The following HP1BP3 variants were observed in gnomAD, a reference collection of about 807,000 sequenced individuals.
The protein encoded by HP1BP3 is heterochromatin protein 1 binding protein 3.
In HP1BP3, 12 loss-of-function variants were observed where a neutral mutation model predicts 62.5. The ratio of observed to expected loss-of-function variants is 0.19; its 90% confidence interval spans 0.12 to 0.31. HP1BP3 has a LOEUF of 0.31. HP1BP3 is among the 10% of genes least tolerant of loss of function. The pLI, the probability that HP1BP3 is intolerant of heterozygous loss-of-function variation, is 1.00. For synonymous variants in HP1BP3, 260 were observed against 237.8 expected, an observed-to-expected ratio of 1.09 and a Z score of -0.86; for missense variants, 502 against 651.8, an observed-to-expected ratio of 0.77 and a Z score of 2.50.
Position 20,770,922 on chromosome 1 carries a change from T to C in HP1BP3, c.654+8A>G. The C allele has an allele frequency of 1.3e-6, 2 of 1,590,476 alleles. No homozygotes were observed. The highest frequency in any genetic ancestry group is 1.4e-5 in the African/African-American group (1 of 73,828). On this transcript the variant is annotated splice_region_variant and intron_variant, in intron 6 of 12. Coordinates refer to ENST00000438032, the MANE Select transcript of HP1BP3 (RefSeq NM_001372052.1). The stretch of plus-strand genomic sequence containing the variant: ...GAAATGATCTTACTACTAACAATTG[T>C]GTAATACCTGTTTGATGACTCCTCT...
chr1:20,747,709 T>C, intron 10 of HP1BP3, 54 bp from the exon 11 acceptor site: 1 of 1,081,084 alleles, frequency 9.2e-7, no homozygotes, highest in Non-Finnish European at 1.4e-6. Flanking sequence ...ATTAGATAAT[T>C]CCCTCAACCA....
In HP1BP3 at chr1:20,744,157, G is replaced by A. The variant is rs758178932; in HGVS notation, c.*640C>T. The A allele has an allele frequency of 6.5e-5, 10 of 152,704 alleles. No homozygotes were observed. Among genetic ancestry groups the A allele is most frequent in the Non-Finnish European group, 1.3e-4 (9 of 68,038 alleles). 9.5% of individuals were successfully genotyped at this position (152,704 alleles called of 1,614,324 possible). A position where few individuals can be genotyped will look rare whatever the true frequency, so the allele number is the denominator to read the frequency against. ...AGGGAATGCAATACTTTGGGCCAGT[G>A]AAAAATACCTAGAAATTGATCAATA... On this transcript the variant is annotated 3_prime_UTR_variant, in exon 13 of 13. Transcript: ENST00000438032.
intron 8 of HP1BP3, among the ~76,000 whole-genome samples, chr1:20,760,219 G>A (rs755464715): frequency 1.3e-5 from 2 of 152,058 alleles, no homozygotes; most frequent in Non-Finnish European, 2.9e-5. Flanking sequence ...TGACGGGATT[G>A]GGAAGACACT....
At chr1:20,757,530 C>A (rs965369046) in intron 8 of HP1BP3, among the ~76,000 whole-genome samples, 6 of 152,020 alleles carry the variant, frequency 3.9e-5, no homozygotes, top group African/African-American at 1.4e-4. Context: ...CGCCACCACA[C>A]CCGGCTAATT....
Position 20,745,035 on chromosome 1 carries a change from C to T in HP1BP3, c.1424G>A (p.Arg475Lys). Residue 475 changes from arginine to lysine, a missense_variant, in exon 13 of 13, where the codon AGA becomes AAA. Physicochemically the swap from Arg to Lys is conservative, Grantham distance 26 (BLOSUM62 2). Around this residue, in one of 5 missense-constraint regions of HP1BP3, gnomAD observed 194 missense variants for 207.0 expected, o/e 0.94. Transcript: ENST00000438032. ...GACTTTAGGTGCAGGTTTGGACCCTCTCTGCTTCACAGATGCGGCCTTCCC... is the reference window on the plus strand; with the variant it reads ...GACTTTAGGTGCAGGTTTGGACCCTTTCTGCTTCACAGATGCGGCCTTCCC... ...SPGKAASVKQRGSKPAPKVSA... is the reference protein window; with the variant it reads ...SPGKAASVKQKGSKPAPKVSA... 1 of 1,614,022 alleles carries T rather than the reference C, an allele frequency of 6.2e-7. No individual in the cohort carries two copies. The highest frequency in any genetic ancestry group is 1.1e-5 in the South Asian group (1 of 91,072).
chr1:20,749,177 A>T (rs576114942), intron 10 of HP1BP3, among the ~76,000 whole-genome samples: 2 of 152,318 alleles, frequency 1.3e-5, no homozygotes, highest in South Asian at 4.1e-4. Flanking sequence ...AATATCAGAA[A>T]AATCTTTACA....
chr1:20,781,120 T>C (rs944626806), intron 1 of HP1BP3, among the ~76,000 whole-genome samples: 2 of 152,166 alleles, frequency 1.3e-5, no homozygotes, highest in South Asian at 2.1e-4. Context: ...ATATTTTTAA[T>C]GTAAGGAAAA....
chr1:20,784,042 T>C (rs1285715190), intron 1 of HP1BP3, among the ~76,000 whole-genome samples: 1 of 152,092 alleles, frequency 6.6e-6, no homozygotes, highest in Non-Finnish European at 1.5e-5. Context: ...GTATCACAGC[T>C]CACTGCAGCC....
At position 20,744,537 on chromosome 1, in the gene HP1BP3, A is replaced by C; in HGVS notation, c.*260T>G. On this transcript the variant is annotated 3_prime_UTR_variant, in exon 13 of 13. Coordinates refer to ENST00000438032, the MANE Select transcript of HP1BP3 (RefSeq NM_001372052.1). ...CAGGGGGTTGGGGGAGGCAGAGAAA[A>C]AGGACAAGTATACATTACATAGTTT... 3.2e-6 allele frequency: 1 copy of C among 309,016 alleles called. No homozygotes were observed. Among genetic ancestry groups the C allele is most frequent in the East Asian group, 5.9e-5 (1 of 16,814 alleles). 19.1% of individuals were successfully genotyped at this position (309,016 alleles called of 1,614,324 possible).
At position 20,741,530 on chromosome 1, in the gene HP1BP3, T is replaced by C. The variant is rs2055083824; in HGVS notation, c.*3267A>G. ...AAACATACACCTGTTTCCTAAGATT[T>C]ATACAGGACCAGGTTTCCTTTAATT... On this transcript the variant is annotated 3_prime_UTR_variant, in exon 13 of 13. Transcript: ENST00000438032. Among the ~76,000 whole-genome samples, 1 of 152,250 alleles carries C rather than the reference T, an allele frequency of 6.6e-6. No homozygotes were observed. Among genetic ancestry groups the C allele is most frequent in the Non-Finnish European group, 1.5e-5 (1 of 68,032 alleles).
Position 20,779,818 on chromosome 1 carries a change from T to C in HP1BP3, c.190A>G (p.Lys64Glu). 1 of 1,610,512 alleles carries C rather than the reference T, an allele frequency of 6.2e-7. No homozygotes were observed. Among genetic ancestry groups the C allele is most frequent in the Non-Finnish European group, 8.5e-7 (1 of 1,178,316 alleles). ...KSKLAEGEEE[K>E]PEPDISSEES... ...TGTCACCATTTTACTTTACCTGGCT[T>C]TTCTTCCTCCCCTTCAGCAAGCTTG... is the stretch of plus-strand genomic sequence containing the variant. Residue 64 changes from lysine to glutamate, a missense_variant, in exon 3 of 13, where the codon AAG becomes GAG. Lys to Glu is a moderately conservative substitution (Grantham distance 56, BLOSUM62 1). Transcript: ENST00000438032.
intron 1 of HP1BP3, among the ~76,000 whole-genome samples, chr1:20,784,299 A>G (rs1469711535): frequency 6.6e-6 from 1 of 151,854 alleles, no homozygotes; most frequent in Non-Finnish European, 1.5e-5. Flanking sequence ...ACTTTTTACT[A>G]TTGCACTCTG....
At position 20,765,504 on chromosome 1, in the gene HP1BP3, G is replaced by A. The variant is rs756510195; in HGVS notation, c.763C>T (p.Pro255Ser). The stretch of plus-strand genomic sequence containing the variant: ...AGGACATCCTCCAATTTTACTTGTG[G>A]TTCTGGATCCACTGCAGAGCTCCTA... ...KNRSSAVDPEPQVKLEDVLPL... is the reference protein window; with the variant it reads ...KNRSSAVDPESQVKLEDVLPL... The change falls in exon 8 of 13, where the codon CCA becomes TCA. Residue 255 changes from proline to serine, a missense_variant. Physicochemically the swap from Pro to Ser is moderately conservative, Grantham distance 74 (BLOSUM62 -1). Coordinates refer to ENST00000438032, the MANE Select transcript of HP1BP3 (RefSeq NM_001372052.1). 6.2e-7 allele frequency: 1 copy of A among 1,613,336 alleles called. No homozygotes were observed. The highest frequency in any genetic ancestry group is 2.2e-5 in the East Asian group (1 of 44,874).
intron 1 of HP1BP3, among the ~76,000 whole-genome samples, chr1:20,781,918 A>G (rs1003706252): frequency 1.2e-4 from 19 of 152,112 alleles, no homozygotes; most frequent in African/African-American, 4.6e-4. Context: ...GACCCACCGC[A>G]CCCGGCCCAT....
chr1:20,769,496 T>C (rs907047154), intron 6 of HP1BP3, among the ~76,000 whole-genome samples: 9 of 151,788 alleles, frequency 5.9e-5, no homozygotes, highest in African/African-American at 1.9e-4. Flanking sequence ...AGGTAGAGAG[T>C]GCGGTGAGCT....
At position 20,765,361 on chromosome 1, in the gene HP1BP3, G is replaced by C; in HGVS notation, c.890+16C>G. The C allele has an allele frequency of 6.4e-7, 1 of 1,560,100 alleles. No homozygotes were observed. ...GTAACACATCATGTTTTAAAGGCCAGGCCAATGGCTCATACCTGATGTCCA... is the reference window on the plus strand; with the variant it reads ...GTAACACATCATGTTTTAAAGGCCACGCCAATGGCTCATACCTGATGTCCA... On this transcript the variant is annotated intron_variant, in intron 8 of 12. Coordinates refer to ENST00000438032, the MANE Select transcript of HP1BP3 (RefSeq NM_001372052.1).
chr1:20,760,971 G>A (rs984653582), intron 8 of HP1BP3, among the ~76,000 whole-genome samples: 4 of 152,210 alleles, frequency 2.6e-5, no homozygotes, highest in African/African-American at 9.6e-5. Flanking sequence ...TCTAATACAG[G>A]TGAGAGATGA....
intron 8 of HP1BP3, among the ~76,000 whole-genome samples, chr1:20,762,914 G>A (rs890729928): frequency 6.6e-5 from 10 of 152,178 alleles, no homozygotes; most frequent in Admixed American, 6.5e-4. Flanking sequence ...GTCACACAAA[G>A]GAGATAAAAG....
At chr1:20,777,011 T>C (rs1405764231) in intron 3 of HP1BP3, among the ~76,000 whole-genome samples, 7 of 152,212 alleles carry the variant, frequency 4.6e-5, no homozygotes, top group East Asian at 1.9e-4. Context: ...TCATCCCCAA[T>C]TGTTTAATTA....
Sources: allele counts gnomAD v4.1 joint callset (sites outside exome capture counted in the v4.1 genomes callset), GRCh38; gene constraint gnomAD v4.1.1; regional missense constraint gnomAD v4.1.1; transcripts MANE v1.5; gene names NCBI Gene and HGNC (gene_info 2026-07-23, HGNC 2026-07-21).